Variants in FBXW7 observed in about 807,000 individuals in gnomAD.
FBXW7 encodes the protein F-box and WD repeat domain containing 7.
FBXW7 carries 11 observed loss-of-function variants against 86.3 expected under a neutral mutation model. The ratio of observed to expected loss-of-function variants is 0.13; its 90% CI spans 0.08 to 0.21. The LOEUF is 0.21. Among genes scored for constraint, FBXW7 ranks in the 10% least tolerant of loss-of-function variants. The pLI is 1.00. For synonymous variants in FBXW7, 313 were observed against 297.9 expected (o/e 1.05, Z -0.52); for missense variants, 488 against 847.4 (o/e 0.58, Z 5.27).
chr4:152,359,077 G>A (rs1732676338), intron 4 of FBXW7, among the ~76,000 whole-genome samples: 1 of 152,100 alleles, frequency 6.6e-6, no homozygotes, highest in Non-Finnish European at 1.5e-5. Context: ...TTATTGAATC[G>A]TTATTTTAGG....
chr4:152,458,887 A>G (rs1388278082), intron 2 of FBXW7, among the ~76,000 whole-genome samples: 7 of 152,204 alleles, frequency 4.6e-5, no homozygotes, highest in African/African-American at 7.2e-5. Context: ...GGGCCACAGG[A>G]AAGTTTCACA....
intron 8 of FBXW7, among the ~76,000 whole-genome samples, 194 bp downstream of exon 8, chr4:152,332,402 C>G (rs376131573): frequency 6.6e-6 from 1 of 152,056 alleles, no homozygotes; most frequent in South Asian, 2.1e-4. Context: ...GGAAGCAAAT[C>G]AGATATATTT....
At chr4:152,495,569 C>A (rs1378475666) in intron 2 of FBXW7, among the ~76,000 whole-genome samples, 1 of 152,060 alleles carries the variant, frequency 6.6e-6, no homozygotes, top group African/African-American at 2.4e-5. Flanking sequence ...TACAAGTTGG[C>A]AATGTTTCTT....
chr4:152,339,618 G>T (rs535676488), intron 6 of FBXW7, among the ~76,000 whole-genome samples: 2 of 152,214 alleles, frequency 1.3e-5, no homozygotes, highest in African/African-American at 4.8e-5. Context: ...TGCTCATTTG[G>T]AGTGATGGAT....
intron 2 of FBXW7, among the ~76,000 whole-genome samples, chr4:152,443,734 A>T (rs901386610): frequency 1.3e-5 from 2 of 152,220 alleles, no homozygotes; most frequent in Admixed American, 6.5e-5. Context: ...CACACTCAAT[A>T]ATTAATACAA....
In FBXW7 at chr4:152,428,273, G is replaced by A. The variant is rs1739559332; in HGVS notation, c.-119-15744C>T. On this transcript the variant is annotated intron_variant, in intron 2 of 13. Transcript: ENST00000281708. ...TTAAATTTCACTTGTGAGGCAAACAGAGAGGCCATACCAAGCAGAAATTTC... is the reference window on the plus strand; with the variant it reads ...TTAAATTTCACTTGTGAGGCAAACAAAGAGGCCATACCAAGCAGAAATTTC... 2.0e-5 allele frequency among the ~76,000 whole-genome samples: 3 copies of A among 152,098 alleles called. No homozygotes were observed. In the South Asian group the frequency reaches 6.2e-4, roughly 32 times the overall value.
intron 4 of FBXW7, among the ~76,000 whole-genome samples, chr4:152,395,937 T>C (rs752136518): frequency 1.3e-5 from 2 of 152,030 alleles, no homozygotes; most frequent in Non-Finnish European, 2.9e-5. Context: ...TTAAGAAATA[T>C]CATCTGAAAA....
chr4:152,519,844 G>C (rs191777477), intron 2 of FBXW7, among the ~76,000 whole-genome samples: 1 of 152,304 alleles, frequency 6.6e-6, no homozygotes, highest in East Asian at 1.9e-4. Flanking sequence ...CATGGAGTAT[G>C]ACAGATCTAG....
At chr4:152,368,430 A>G (rs1440152047) in intron 4 of FBXW7, among the ~76,000 whole-genome samples, 1 of 152,080 alleles carries the variant, frequency 6.6e-6, no homozygotes, top group Non-Finnish European at 1.5e-5. Flanking sequence ...TGTGTGTTAA[A>G]TATGGAATTT....
intron 2 of FBXW7, among the ~76,000 whole-genome samples, chr4:152,504,287 A>G (rs1421124484): frequency 1.3e-5 from 2 of 152,194 alleles, no homozygotes; most frequent in African/African-American, 4.8e-5. Flanking sequence ...TAAAGTTTTC[A>G]TAACACAAAC....
intron 4 of FBXW7, among the ~76,000 whole-genome samples, chr4:152,408,683 T>C (rs1737653671): frequency 6.6e-6 from 1 of 152,322 alleles, no homozygotes; most frequent in South Asian, 2.1e-4. Context: ...GCAGAGTCTC[T>C]GACTATGTTG....
chr4:152,321,302 T>A lies in FBXW7; in HGVS notation c.*1579A>T. On this transcript the variant is annotated 3_prime_UTR_variant, in exon 14 of 14. Transcript: ENST00000281708. ...TTATTGCACTTAAGTTATAAGAAAA[T>A]AAAATTTCTAAGTGAATCAAACCAT... The A allele has an allele frequency of 4.3e-6, 1 of 232,502 alleles. No homozygotes were observed. The highest frequency in any genetic ancestry group is 2.2e-5 in the African/African-American group (1 of 45,368). The allele number at this position is 232,502 out of a possible 1,614,324, so 14.4% of individuals were successfully genotyped here.
intron 2 of FBXW7, among the ~76,000 whole-genome samples, chr4:152,488,226 T>C (rs1281711998): frequency 6.6e-6 from 1 of 152,060 alleles, no homozygotes; most frequent in Admixed American, 6.6e-5. Context: ...CCTACTGTTA[T>C]AAGACTGGTG....
intron 5 of FBXW7, among the ~76,000 whole-genome samples, chr4:152,347,428 G>A (rs1284255139): frequency 6.6e-6 from 1 of 152,094 alleles, no homozygotes; most frequent in Non-Finnish European, 1.5e-5. Flanking sequence ...GGTCTTTGGT[G>A]ACATAAGTAA....
intron 2 of FBXW7, among the ~76,000 whole-genome samples, chr4:152,514,886 G>C (rs1193444855): frequency 6.6e-6 from 1 of 152,020 alleles, no homozygotes. Context: ...AGACTAGGAC[G>C]GGGGTATGTG....
chr4:152,332,831 C>G (rs889866049), intron 7 of FBXW7, 112 bp from the exon 8 acceptor site: 2 of 460,942 alleles, frequency 4.3e-6, no homozygotes, highest in African/African-American at 4.3e-5. Flanking sequence ...ATTCTGCACT[C>G]TGATTTCTAA....
rs1019095477 is a variant in FBXW7, at chr4:152,373,644, T to C, written c.502-23520A>G. ...CCTCTGATCACCTACTTAGCAAACA[T>C]CTTCATGTTTTAATTCAGGGTTACT... On this transcript the variant is annotated intron_variant, in intron 4 of 13. Transcript: ENST00000281708. 3.9e-5 allele frequency among the ~76,000 whole-genome samples: 6 copies of C among 152,164 alleles called. No homozygotes were observed. The East Asian group carries it at 7.7e-4, about 20-fold the overall frequency.
chr4:152,326,995 G>A (rs910908382), intron 11 of FBXW7, among the ~76,000 whole-genome samples: 6 of 152,042 alleles, frequency 3.9e-5, no homozygotes, highest in South Asian at 2.1e-4. Flanking sequence ...CAACATCAGC[G>A]CTATACTCTT....
At chr4:152,398,917 T>C (rs1439383462) in intron 4 of FBXW7, among the ~76,000 whole-genome samples, 2 of 152,034 alleles carry the variant, frequency 1.3e-5, no homozygotes, top group African/African-American at 4.8e-5. Flanking sequence ...TAATACTGTT[T>C]AAAGTTGGTG....
Sources: gnomAD v4.1 joint callset for allele counts (sites outside exome capture counted in the v4.1 genomes callset) on GRCh38, gnomAD v4.1.1 for gene constraint, MANE v1.5 for transcripts, NCBI Gene and HGNC (gene_info 2026-07-23, HGNC 2026-07-21) for gene names.